CFAP263: variants seen among roughly 807,000 people sequenced by gnomAD.
The protein encoded by CFAP263 is cilia and flagella associated protein 263.
chr16:58,282,489 G>C, the CFAP263 span: 1 of 152,420 alleles, frequency 6.6e-6, no homozygotes, highest in Non-Finnish European at 1.5e-5. Flanking sequence ...CACCAGAACA[G>C]AGATGAAGAC....
chr16:58,261,576 G>A, the CFAP263 span, among the ~76,000 whole-genome samples: 1 of 152,232 alleles, frequency 6.6e-6, no homozygotes, highest in Non-Finnish European at 1.5e-5. Flanking sequence ...GGACCACAGA[G>A]CTAAAGCTTC....
the CFAP263 span, among the ~76,000 whole-genome samples, chr16:58,264,679 G>A: frequency 1.3e-5 from 2 of 152,288 alleles, no homozygotes; most frequent in Non-Finnish European, 2.9e-5. Flanking sequence ...CAAGTGCTTA[G>A]CCAATATTGT....
At chr16:58,259,020 A>AATAT in the CFAP263 span, among the ~76,000 whole-genome samples, 2 of 151,350 alleles carry the variant, frequency 1.3e-5, no homozygotes, top group Non-Finnish European at 2.9e-5. Context: ...TAAATAAATA[A>AATAT]ATAAATAAAT....
At chr16:58,262,369 T>C in the CFAP263 span, 6 of 1,587,126 alleles carry the variant, frequency 3.8e-6, no homozygotes, top group East Asian at 2.3e-5. Flanking sequence ...TTTTCTTTCA[T>C]CTTTCTGAGC....
chr16:58,260,744 G>T, the CFAP263 span, among the ~76,000 whole-genome samples: 54 of 152,226 alleles, frequency 3.5e-4, no homozygotes, highest in Admixed American at 2.1e-3. Flanking sequence ...CTACTGACAA[G>T]GACACAAAAC....
chr16:58,281,983 CA>C, the CFAP263 span: 1 of 151,348 alleles, frequency 6.6e-6, no homozygotes, highest in African/African-American at 2.4e-5. Flanking sequence ...GCTGGGGCTA[CA>C]GCTATGCGCC....
At chr16:58,267,086 G>T in the CFAP263 span, among the ~76,000 whole-genome samples, 3 of 152,192 alleles carry the variant, frequency 2.0e-5, no homozygotes, top group African/African-American at 7.2e-5. Flanking sequence ...GCAGCTGTTT[G>T]TCGTATGTTC....
the CFAP263 span, among the ~76,000 whole-genome samples, chr16:58,277,442 A>T: frequency 1.3e-5 from 2 of 152,214 alleles, no homozygotes; most frequent in Non-Finnish European, 2.9e-5. Flanking sequence ...GTTAATTTTT[A>T]AAAAATGCAT....
the CFAP263 span, chr16:58,282,720 C>CA: frequency 6.6e-6 from 1 of 152,270 alleles, no homozygotes; most frequent in African/African-American, 2.4e-5. Flanking sequence ...GTGTGCACCT[C>CA]ACTATGTCTG....
the CFAP263 span, among the ~76,000 whole-genome samples, chr16:58,272,776 T>C: frequency 1.3e-5 from 2 of 152,060 alleles, no homozygotes; most frequent in Non-Finnish European, 2.9e-5. Context: ...ATGGCTTTTT[T>C]TTTTTTTTTG....
the CFAP263 span, chr16:58,250,072 G>A: frequency 1.3e-6 from 2 of 1,598,772 alleles, no homozygotes; most frequent in Non-Finnish European, 1.7e-6. Flanking sequence ...GTCGGAGCTG[G>A]AGCTGCCTGT....
At chr16:58,274,027 G>C in the CFAP263 span, among the ~76,000 whole-genome samples, 45 of 152,308 alleles carry the variant, frequency 3.0e-4, no homozygotes, top group Admixed American at 1.6e-3. Context: ...GCTTACAGCT[G>C]GTCTACTCTA....
chr16:58,278,469 C>T, the CFAP263 span: 2 of 1,613,188 alleles, frequency 1.2e-6, no homozygotes, highest in Non-Finnish European at 1.7e-6. Context: ...GTAACTGGTC[C>T]TTCCCAACCC....
At chr16:58,270,935 T>C in the CFAP263 span, among the ~76,000 whole-genome samples, 1 of 152,202 alleles carries the variant, frequency 6.6e-6, no homozygotes, top group Non-Finnish European at 1.5e-5. Context: ...ACAGCTTTGT[T>C]TCAGCCTCCC....
At chr16:58,280,577 G>T in the CFAP263 span, 8 of 1,614,180 alleles carry the variant, frequency 5.0e-6, no homozygotes, top group African/African-American at 4.0e-5. Flanking sequence ...TCCCAGTGGT[G>T]GAGTGAGGAC....
At chr16:58,278,204 A>G in the CFAP263 span, among the ~76,000 whole-genome samples, 1 of 152,198 alleles carries the variant, frequency 6.6e-6, no homozygotes, top group African/African-American at 2.4e-5. Context: ...TAAGTACAAC[A>G]TATTCCTTAA....
At chr16:58,267,585 A>T in the CFAP263 span, 1 of 1,586,592 alleles carries the variant, frequency 6.3e-7, no homozygotes, top group South Asian at 1.1e-5. Context: ...CAAGTAGAGG[A>T]GGTAGGAGAG....
chr16:58,261,859 T>C, the CFAP263 span, among the ~76,000 whole-genome samples: 1 of 152,282 alleles, frequency 6.6e-6, no homozygotes, highest in East Asian at 1.9e-4. Flanking sequence ...GGGAACCTTA[T>C]ACACTCATGC....
At chr16:58,250,324 G>T in the CFAP263 span, 1 of 504,242 alleles carries the variant, frequency 2.0e-6, no homozygotes, top group Non-Finnish European at 3.5e-6. Flanking sequence ...GGATGGGGCC[G>T]GTGGTGAGAA....
Sources: allele counts gnomAD v4.1 joint callset (sites outside exome capture counted in the v4.1 genomes callset), GRCh38; gene constraint gnomAD v4.1.1; transcripts MANE v1.5; gene names NCBI Gene and HGNC (gene_info 2026-07-23, HGNC 2026-07-21).